SAP130: variants seen among roughly 807,000 people sequenced by gnomAD.
SAP130 encodes histone deacetylase complex subunit SAP130.
Under a neutral mutation model 103.2 loss-of-function variants are expected in SAP130, and 16 were observed. The observed-to-expected ratio is 0.16, with a 90% CI of 0.10 to 0.24. The LOEUF is 0.24. Among genes scored for constraint, SAP130 ranks in the 10% least tolerant of loss-of-function variants. The pLI is 1.00. For missense variants in SAP130, 990 were observed against 1,359.7 expected (o/e 0.73, Z 4.28); for synonymous variants, 477 against 497.0 (o/e 0.96, Z 0.53).
chr2:127,949,804 T>G, intron 18 of SAP130, 65 bp downstream of exon 18: 2 of 1,536,580 alleles, frequency 1.3e-6, no homozygotes, highest in Non-Finnish European at 1.8e-6. Flanking sequence ...TGTTTTTCTC[T>G]TCTATTTTAA....
intron 13 of SAP130, among the ~76,000 whole-genome samples, chr2:127,988,499 T>C (rs1478070113): frequency 6.6e-6 from 1 of 150,716 alleles, no homozygotes; most frequent in Non-Finnish European, 1.5e-5. Context: ...TAAACTACAT[T>C]AGAGAAATGG....
At chr2:128,006,786 G>T (rs973032728) in intron 7 of SAP130, among the ~76,000 whole-genome samples, 15 of 152,156 alleles carry the variant, frequency 9.9e-5, no homozygotes, top group African/African-American at 3.6e-4. Flanking sequence ...TCTCAAAAAA[G>T]AATTCTATGA....
rs115954296 is a variant in SAP130, at chr2:127,978,214, T to C, written c.1959-125A>G. ...TAAAGCCCTACATTGACTAAGTATTTTTAAAATGGATTTTCATTTTCTCGG... is the reference window on the plus strand; with the variant it reads ...TAAAGCCCTACATTGACTAAGTATTCTTAAAATGGATTTTCATTTTCTCGG... On this transcript the variant is annotated intron_variant, in intron 14 of 20. Coordinates refer to ENST00000643581, the MANE Select transcript of SAP130 (RefSeq NM_001330301.2). 980 of 664,032 alleles carry C rather than the reference T, an allele frequency of 1.5e-3. 10 individuals carry two copies. In the African/African-American group the frequency reaches 0.016, roughly 11 times the overall value. The allele number at this position is 664,032 out of a possible 1,614,324, so 41.1% of individuals were successfully genotyped here. A position where few individuals can be genotyped will look rare whatever the true frequency, so the allele number is the denominator to read the frequency against.
chr2:128,027,225 C>T, intron 1 of SAP130: 1 of 1,202,240 alleles, frequency 8.3e-7, no homozygotes, highest in Non-Finnish European at 1.0e-6. Flanking sequence ...CGCCCGGGGC[C>T]CGCTGCTGTC....
At chr2:128,027,356 G>A in intron 1 of SAP130, 4 of 1,147,802 alleles carry the variant, frequency 3.5e-6, no homozygotes, top group Non-Finnish European at 4.3e-6. Context: ...ACGCGTCAGT[G>A]GAGGCCCAGG....
chr2:128,019,484 G>A (rs930389159), intron 2 of SAP130, among the ~76,000 whole-genome samples: 4 of 152,186 alleles, frequency 2.6e-5, no homozygotes, highest in South Asian at 2.1e-4. Context: ...GCCTGGTCTG[G>A]TCTTGAATAC....
intron 2 of SAP130, 74 bp downstream of exon 2, chr2:128,026,104 TCTG>T (rs1685478254): frequency 2.2e-6 from 2 of 930,080 alleles, no homozygotes; most frequent in Non-Finnish European, 3.4e-6. Context: ...CCTAGAAGAA[TCTG>T]CTAATTTTTA....
intron 15 of SAP130, among the ~76,000 whole-genome samples, chr2:127,963,260 C>T (rs1016710160): frequency 2.6e-5 from 4 of 152,136 alleles, no homozygotes; most frequent in Non-Finnish European, 4.4e-5. Flanking sequence ...GACAGGGTCT[C>T]ACTCTATCAC....
intron 15 of SAP130, among the ~76,000 whole-genome samples, chr2:127,959,172 T>C (rs1387125030): frequency 1.3e-5 from 2 of 152,070 alleles, no homozygotes; most frequent in African/African-American, 2.4e-5. Flanking sequence ...ACCCCAGGAA[T>C]GGCACGGCAG....
intron 9 of SAP130, 90 bp from the exon 10 acceptor site, chr2:127,999,935 A>G (rs971874758): frequency 5.6e-6 from 8 of 1,435,352 alleles, no homozygotes; most frequent in South Asian, 1.2e-5. Flanking sequence ...TCCTGGAAAA[A>G]GTTAAGAGAA....
chr2:128,023,331 G>T (rs979420094), intron 2 of SAP130, among the ~76,000 whole-genome samples: 1 of 152,160 alleles, frequency 6.6e-6, no homozygotes, highest in Admixed American at 6.5e-5. Context: ...CTGTAGAAAC[G>T]GGGATTTGCC....
chr2:128,008,528 C>CT (rs76018250), intron 7 of SAP130, among the ~76,000 whole-genome samples: 2,865 of 137,194 alleles, frequency 0.021, 82 homozygotes, highest in East Asian at 0.13. Context: ...CCACGCTTAC[C>CT]TTTTTTTTTT....
chr2:128,005,164 T>C (rs1683866221), intron 7 of SAP130, among the ~76,000 whole-genome samples: 1 of 152,068 alleles, frequency 6.6e-6, no homozygotes, highest in South Asian at 2.1e-4. Context: ...ACAAAATATA[T>C]GGGCAGAGCT....
intron 2 of SAP130, among the ~76,000 whole-genome samples, chr2:128,024,005 T>C (rs920047478): frequency 4.6e-5 from 7 of 151,658 alleles, no homozygotes; most frequent in Non-Finnish European, 1.0e-4. Context: ...TAAGTAAGTA[T>C]ATGGAAAGAA....
chr2:128,003,991 TTGACAGCC>T (rs1417341414), intron 7 of SAP130, among the ~76,000 whole-genome samples: 4 of 116,038 alleles, frequency 3.4e-5, no homozygotes, highest in Admixed American at 1.7e-4. Context: ...TTTTTTTTTG[TTGACAGCC>T]TGAAAGGCAA....
intron 15 of SAP130, among the ~76,000 whole-genome samples, chr2:127,962,372 T>C (rs1234428002): frequency 6.6e-6 from 1 of 152,198 alleles, no homozygotes; most frequent in African/African-American, 2.4e-5. Flanking sequence ...GCCATCCCAT[T>C]ACTGGGTATA....
intron 14 of SAP130, among the ~76,000 whole-genome samples, chr2:127,985,671 G>T (rs537044473): frequency 6.6e-6 from 1 of 152,050 alleles, no homozygotes; most frequent in African/African-American, 2.4e-5. Context: ...GCGGGTCCCT[G>T]GTGAGGGCTC....
intron 15 of SAP130, among the ~76,000 whole-genome samples, chr2:127,965,527 C>A (rs536220569): frequency 1.3e-5 from 2 of 151,794 alleles, no homozygotes; most frequent in Non-Finnish European, 2.9e-5. Context: ...TGGTGGCTCA[C>A]GCCTGTAATC....
At chr2:127,985,203 TAATC>T (rs1055962563) in intron 14 of SAP130, among the ~76,000 whole-genome samples, 2 of 152,360 alleles carry the variant, frequency 1.3e-5, no homozygotes, top group Admixed American at 1.3e-4. Flanking sequence ...TAGATGTGTG[TAATC>T]AATCTGTCAT....
Sources: allele counts gnomAD v4.1 joint callset (sites outside exome capture counted in the v4.1 genomes callset), GRCh38; gene constraint gnomAD v4.1.1; transcripts MANE v1.5; gene names NCBI Gene and HGNC (gene_info 2026-07-23, HGNC 2026-07-21).